The following GRIK1 variants were observed in gnomAD, a reference collection of about 807,000 sequenced individuals.
GRIK1 encodes the protein glutamate receptor ionotropic, kainate 1.
A neutral mutation model predicts 105.7 loss-of-function variants in GRIK1; 69 were observed. That is an observed-to-expected ratio of 0.65 (90% CI 0.54 to 0.80). The LOEUF (loss-of-function observed/expected upper bound fraction) is 0.80. Ranked by LOEUF, GRIK1 falls within the 30% of genes least tolerant of loss-of-function variation. GRIK1 has a pLI of 0.00. For synonymous variants in GRIK1, 438 were observed against 431.3 expected (o/e 1.02, Z -0.19); for missense variants, 1,109 against 1,167.3 (o/e 0.95, Z 0.73).
chr21:29,822,387 C>T (rs2067329146), intron 1 of GRIK1, among the ~76,000 whole-genome samples: 1 of 152,002 alleles, frequency 6.6e-6, no homozygotes. Context: ...GTCTAATAAG[C>T]ATAGCCCAAA....
chr21:29,548,572 A>G (rs2090082408), intron 16 of GRIK1, among the ~76,000 whole-genome samples: 1 of 152,086 alleles, frequency 6.6e-6, no homozygotes, highest in Non-Finnish European at 1.5e-5. Flanking sequence ...AATAAGTAAG[A>G]CTGCTTTGCT....
intron 1 of GRIK1, among the ~76,000 whole-genome samples, chr21:29,892,072 T>G (rs466612): frequency 0.87 from 131,802 of 152,176 alleles, 58,432 homozygotes; most frequent in Non-Finnish European, 0.96. Flanking sequence ...AAGGTGATGC[T>G]GGAATAATTT....
At chr21:29,702,230 C>T (rs991561276) in intron 1 of GRIK1, among the ~76,000 whole-genome samples, 1 of 152,124 alleles carries the variant, frequency 6.6e-6, no homozygotes, top group Non-Finnish European at 1.5e-5. Context: ...ATTATCTGCA[C>T]AGCAACCCAC....
At chr21:29,857,666 A>C (rs1282288571) in intron 1 of GRIK1, among the ~76,000 whole-genome samples, 1 of 152,228 alleles carries the variant, frequency 6.6e-6, no homozygotes, top group Admixed American at 6.5e-5. Context: ...TGGAAAACTT[A>C]ACAAACAACT....
chr21:29,846,813 T>C (rs2068139047), intron 1 of GRIK1, among the ~76,000 whole-genome samples: 1 of 152,218 alleles, frequency 6.6e-6, no homozygotes, highest in Admixed American at 6.5e-5. Flanking sequence ...TTTAATTATT[T>C]TCTTGTGTTT....
At chr21:29,891,426 A>C (rs2069894266) in intron 1 of GRIK1, among the ~76,000 whole-genome samples, 1 of 152,208 alleles carries the variant, frequency 6.6e-6, no homozygotes, top group Non-Finnish European at 1.5e-5. Flanking sequence ...ATTTCATTCC[A>C]TTATAATCAC....
Position 29,867,940 on chromosome 21 carries a change from G to A in GRIK1, c.118+71443C>T, listed in dbSNP as rs58520304. On this transcript the variant is annotated intron_variant, in intron 1 of 17. Transcript: ENST00000327783. ...AGAAAGAGAGAAAGAGAGAGAAAGA[G>A]AGAGAGAAAGAGAGAGAAAATGAGA... is the stretch of plus-strand genomic sequence containing the variant. Among the ~76,000 whole-genome samples the A allele has an allele frequency of 1.7e-4, 18 of 107,414 alleles. No individual in the cohort carries two copies. The East Asian group carries it at 3.0e-3, about 18-fold the overall frequency. The allele number at this position is 107,414 out of a possible 152,430, so 70.5% of individuals were successfully genotyped here.
At chr21:29,731,102 T>A (rs1261457867) in intron 1 of GRIK1, among the ~76,000 whole-genome samples, 2 of 152,136 alleles carry the variant, frequency 1.3e-5, no homozygotes. Flanking sequence ...GACTGTAAGG[T>A]GGATGCCTGA....
intron 4 of GRIK1, among the ~76,000 whole-genome samples, chr21:29,663,430 G>A (rs2063004381): frequency 6.6e-6 from 1 of 152,272 alleles, no homozygotes; most frequent in East Asian, 1.9e-4. Flanking sequence ...CTTGGATGAT[G>A]TTCCAGGGAC....
chr21:29,939,456 C>A lies in GRIK1; in HGVS notation c.45G>T (p.Arg15Ser). 6.2e-7 allele frequency: 1 copy of A among 1,601,670 alleles called. No homozygotes were observed. Among genetic ancestry groups the A allele is most frequent in the Non-Finnish European group, 8.5e-7 (1 of 1,174,064 alleles). ...TLLAQPGLWT[R>S]DTSWALLYFL... is the part of the protein sequence containing the mutation. Reference sequence around the variant, plus strand: ...AATAGAGGAGTGCCCAGCTGGTGTCCCTGGTCCAGAGCCCGGGCTGGGCGA... The same window carrying A: ...AATAGAGGAGTGCCCAGCTGGTGTCACTGGTCCAGAGCCCGGGCTGGGCGA... The change falls in exon 1 of 18, where the codon AGG becomes AGT. Residue 15 changes from arginine to serine, a missense_variant. This residue lies in a region of GRIK1 where 612 missense variants were observed against 586.0 expected (regional missense o/e 1.04). Coordinates refer to ENST00000327783, the MANE Select transcript of GRIK1 (RefSeq NM_001330994.2).
intron 7 of GRIK1, among the ~76,000 whole-genome samples, chr21:29,610,023 T>G (rs1273632159): frequency 2.6e-5 from 4 of 152,176 alleles, no homozygotes. Flanking sequence ...ACTTCAAATG[T>G]GGAACCAGGA....
At chr21:29,719,230 TTTTTATCTAGAAAAAATAC>T (rs2146849172) in intron 1 of GRIK1, among the ~76,000 whole-genome samples, 1 of 151,644 alleles carries the variant, frequency 6.6e-6, no homozygotes, top group African/African-American at 2.4e-5. Flanking sequence ...TTATCTGGTA[TTTTTATCTAGAAAAAATAC>T]TTTTATCTAG....
At chr21:29,654,948 G>A in intron 4 of GRIK1, 85 bp from the exon 5 acceptor site, 1 of 860,592 alleles carries the variant, frequency 1.2e-6, no homozygotes, top group Non-Finnish European at 2.0e-6. Flanking sequence ...CAAATGCTTG[G>A]AAACATAGAA....
intron 1 of GRIK1, among the ~76,000 whole-genome samples, chr21:29,868,590 A>G (rs768276388): frequency 6.6e-6 from 1 of 152,074 alleles, no homozygotes; most frequent in Non-Finnish European, 1.5e-5. Flanking sequence ...TTCTAGGGGT[A>G]ATTTAGGTAC....
At chr21:29,879,497 C>A (rs938793871) in intron 1 of GRIK1, among the ~76,000 whole-genome samples, 9 of 151,732 alleles carry the variant, frequency 5.9e-5, no homozygotes, top group Non-Finnish European at 1.5e-5. Context: ...TTTAAATGTA[C>A]CTAAGTATAT....
At position 29,701,946 on chromosome 21, in the gene GRIK1, G is replaced by C. The variant is rs544108348; in HGVS notation, c.119-7883C>G. On this transcript the variant is annotated intron_variant, in intron 1 of 17. Coordinates refer to ENST00000327783, the MANE Select transcript of GRIK1 (RefSeq NM_001330994.2). ...TGAAATTGCCATTGACCAAGACGAG[G>C]AACGATGCAGGAGGTACTTGACTTG... Among the ~76,000 whole-genome samples the C allele has an allele frequency of 9.2e-5, 14 of 152,338 alleles. No individual in the cohort carries two copies. In the South Asian group the frequency reaches 2.9e-3, roughly 32 times the overall value.
chr21:29,827,861 G>A (rs986467918), intron 1 of GRIK1, among the ~76,000 whole-genome samples: 1 of 152,030 alleles, frequency 6.6e-6, no homozygotes, highest in East Asian at 1.9e-4. Flanking sequence ...TTCTTCTGCT[G>A]GTCTTGCCAG....
At chr21:29,733,851 T>A (rs2146907634) in intron 1 of GRIK1, among the ~76,000 whole-genome samples, 1 of 152,278 alleles carries the variant, frequency 6.6e-6, no homozygotes, top group Non-Finnish European at 1.5e-5. Context: ...CAGTAGCACA[T>A]CATTGTATGA....
At chr21:29,817,754 T>A (rs966482624) in intron 1 of GRIK1, among the ~76,000 whole-genome samples, 2 of 152,138 alleles carry the variant, frequency 1.3e-5, no homozygotes, top group Non-Finnish European at 2.9e-5. Flanking sequence ...TAATGTTTGC[T>A]TTTGCAAATC....
Sources: gnomAD v4.1 joint callset for allele counts (sites outside exome capture counted in the v4.1 genomes callset) on GRCh38, gnomAD v4.1.1 for gene constraint, gnomAD v4.1.1 regional missense constraint, MANE v1.5 for transcripts, NCBI Gene and HGNC (gene_info 2026-07-23, HGNC 2026-07-21) for gene names.